Variants in THSD7B observed in about 807,000 individuals in gnomAD.
THSD7B encodes the protein thrombospondin type-1 domain-containing protein 7B.
In THSD7B, 138 loss-of-function variants were observed where a neutral mutation model predicts 213.6. The observed-to-expected ratio is 0.65, with a 90% CI of 0.56 to 0.74. THSD7B has a LOEUF of 0.74. Ranked by LOEUF, THSD7B falls within the 30% of genes least tolerant of loss-of-function variation. THSD7B has a pLI of 0.00. For synonymous variants in THSD7B, 742 were observed against 687.0 expected (o/e 1.08, Z -1.25); for missense variants, 1,931 against 1,991.5 (o/e 0.97, Z 0.58).
At chr2:137,192,359 C>T (rs1242727939) in intron 7 of THSD7B, among the ~76,000 whole-genome samples, 2 of 152,122 alleles carry the variant, frequency 1.3e-5, no homozygotes, top group Non-Finnish European at 2.9e-5. Flanking sequence ...CAAGGAAAAA[C>T]TCACAGGGAG....
chr2:137,106,104 AG>A (rs1688242630), intron 4 of THSD7B, among the ~76,000 whole-genome samples: 1 of 152,196 alleles, frequency 6.6e-6, no homozygotes, highest in Non-Finnish European at 1.5e-5. Flanking sequence ...CCCAAGCAAA[AG>A]GAACAAAGCT....
At chr2:137,115,387 T>C (rs116492738) in intron 5 of THSD7B, 94 bp downstream of exon 5, 27,669 of 1,288,478 alleles carry the variant, frequency 0.021, 502 homozygotes, top group Admixed American at 0.067. Flanking sequence ...AAGTGACACT[T>C]AGCATTCACA....
chr2:137,133,106 C>G (rs116366828), intron 5 of THSD7B, among the ~76,000 whole-genome samples: 2 of 152,108 alleles, frequency 1.3e-5, no homozygotes, highest in Non-Finnish European at 2.9e-5. Flanking sequence ...AAAAATACTC[C>G]GTTGACTTTT....
intron 7 of THSD7B, among the ~76,000 whole-genome samples, chr2:137,228,547 A>T (rs926445648): frequency 6.6e-6 from 1 of 152,130 alleles, no homozygotes; most frequent in African/African-American, 2.4e-5. Flanking sequence ...CCTCCAAGAT[A>T]GTCTTTCTCT....
intron 2 of THSD7B, among the ~76,000 whole-genome samples, chr2:136,894,327 T>A (rs1366694378): frequency 2.0e-5 from 3 of 152,206 alleles, no homozygotes; most frequent in African/African-American, 7.2e-5. Flanking sequence ...TTATAACATT[T>A]TCAAATACTG....
chr2:136,879,541 A>G (rs1482892219), intron 1 of THSD7B, among the ~76,000 whole-genome samples: 2 of 152,070 alleles, frequency 1.3e-5, no homozygotes, highest in African/African-American at 4.8e-5. Flanking sequence ...GATTCTTCCT[A>G]CCCATGAGCA....
At chr2:137,361,222 G>C (rs1225106164) in intron 12 of THSD7B, among the ~76,000 whole-genome samples, 2 of 152,086 alleles carry the variant, frequency 1.3e-5, no homozygotes, top group Non-Finnish European at 2.9e-5. Context: ...AACCCCATCT[G>C]TACGTCACCA....
intron 7 of THSD7B, among the ~76,000 whole-genome samples, chr2:137,202,588 T>A (rs1209562023): frequency 6.6e-6 from 1 of 152,210 alleles, no homozygotes; most frequent in African/African-American, 2.4e-5. Context: ...CTTCTGTTTT[T>A]CAGGACTGCT....
intron 10 of THSD7B, among the ~76,000 whole-genome samples, chr2:137,258,615 C>T (rs1682362991): frequency 6.6e-6 from 1 of 151,886 alleles, no homozygotes; most frequent in Non-Finnish European, 1.5e-5. Context: ...CTGCCCCCCA[C>T]CCGCCACAGG....
At chr2:136,892,873 A>G (rs527584137) in intron 2 of THSD7B, among the ~76,000 whole-genome samples, 1 of 152,212 alleles carries the variant, frequency 6.6e-6, no homozygotes, top group African/African-American at 2.4e-5. Flanking sequence ...GGCCCCTAAT[A>G]TTCAGCTTCT....
rs577011085 is a variant in THSD7B, at chr2:137,665,845, T to C, written c.4652-1929T>C. On this transcript the variant is annotated intron_variant, in intron 26 of 27. Coordinates refer to ENST00000409968, the MANE Select transcript of THSD7B (RefSeq NM_001316349.2). ...GTAGACCTTCTTTTATGAACTAATATGAAAATATTTCCAACCTATATTGTT... is the reference window on the plus strand; with the variant it reads ...GTAGACCTTCTTTTATGAACTAATACGAAAATATTTCCAACCTATATTGTT... Among the ~76,000 whole-genome samples, 19 of 152,276 alleles carry C rather than the reference T, an allele frequency of 1.2e-4. No individual in the cohort carries two copies. In the East Asian group the frequency reaches 2.3e-3, roughly 19 times the overall value.
intron 1 of THSD7B, among the ~76,000 whole-genome samples, chr2:136,852,378 G>T (rs1683113495): frequency 6.6e-6 from 1 of 152,006 alleles, no homozygotes; most frequent in South Asian, 2.1e-4. Flanking sequence ...CACAGGGGAG[G>T]ATTTCAGTCC....
chr2:136,804,357 C>CCAAT (rs1196546507), intron 1 of THSD7B, among the ~76,000 whole-genome samples: 3 of 151,706 alleles, frequency 2.0e-5, no homozygotes, highest in African/African-American at 7.3e-5. Context: ...TTCTTTAGCA[C>CCAAT]CAATGCATTA....
At chr2:137,634,482 C>A (rs1302051881) in intron 20 of THSD7B, among the ~76,000 whole-genome samples, 2 of 152,136 alleles carry the variant, frequency 1.3e-5, no homozygotes, top group African/African-American at 2.4e-5. Flanking sequence ...TCAATAGGAA[C>A]CTTCTTCGAC....
At chr2:137,248,242 T>G (rs1162447730) in intron 10 of THSD7B, among the ~76,000 whole-genome samples, 2 of 152,172 alleles carry the variant, frequency 1.3e-5, no homozygotes, top group African/African-American at 4.8e-5. Context: ...TGTATTATGT[T>G]GAGTTCCTGC....
intron 12 of THSD7B, among the ~76,000 whole-genome samples, chr2:137,396,360 T>C (rs1686187778): frequency 6.9e-6 from 1 of 144,016 alleles, no homozygotes; most frequent in East Asian, 2.0e-4. Context: ...TCTGGTATGT[T>C]GTGTCTTTGT....
At chr2:137,249,566 A>G (rs1274656888) in intron 10 of THSD7B, among the ~76,000 whole-genome samples, 1 of 152,220 alleles carries the variant, frequency 6.6e-6, no homozygotes, top group Admixed American at 6.5e-5. Flanking sequence ...ATATTTAGAA[A>G]GACCTGAAAT....
chr2:136,967,417 T>C (rs1685339118), intron 2 of THSD7B, among the ~76,000 whole-genome samples: 1 of 152,158 alleles, frequency 6.6e-6, no homozygotes, highest in Non-Finnish European at 1.5e-5. Flanking sequence ...CAAATTCTAT[T>C]AATTCTGTCT....
rs912435388 is a variant in THSD7B, at chr2:137,116,883, A to G, written c.1369+1590A>G. Among the ~76,000 whole-genome samples, 4 of 152,304 alleles carry G rather than the reference A, an allele frequency of 2.6e-5. No homozygotes were observed. The East Asian group carries it at 7.7e-4, about 29-fold the overall frequency. On this transcript the variant is annotated intron_variant, in intron 5 of 27. Transcript: ENST00000409968. ...GAGTACAATCTACTCCAAGCATCTA[A>G]AGAGGAGGAAAATGTCTTAGGCCAA... is the stretch of plus-strand genomic sequence containing the variant.
Sources: allele counts gnomAD v4.1 joint callset (sites outside exome capture counted in the v4.1 genomes callset), GRCh38; gene constraint gnomAD v4.1.1; transcripts MANE v1.5; gene names NCBI Gene and HGNC (gene_info 2026-07-23, HGNC 2026-07-21).